PTPRD: variants seen among roughly 807,000 people sequenced by gnomAD.
The protein encoded by PTPRD is protein tyrosine phosphatase receptor type D.
A neutral mutation model predicts 214.5 loss-of-function variants in PTPRD; 34 were observed. The ratio of observed to expected loss-of-function variants is 0.16; its 90% CI spans 0.12 to 0.21. The LOEUF (loss-of-function observed/expected upper bound fraction) is 0.21. PTPRD is among the 10% of genes least tolerant of loss of function. The probability of loss-of-function intolerance (pLI) is 1.00; values close to 1 mark genes in which losing one functional copy is unlikely to be tolerated. For synonymous variants in PTPRD, 1,128 were observed against 845.7 expected (o/e 1.33, Z -5.79); for missense variants, 2,545 against 2,398.7 (o/e 1.06, Z -1.27).
intron 11 of PTPRD, among the ~76,000 whole-genome samples, chr9:8,927,399 CTCCCTGTG>C (rs936891179): frequency 6.6e-6 from 1 of 152,008 alleles, no homozygotes; most frequent in African/African-American, 2.4e-5. Context: ...TGACGTTCCC[CTCCCTGTG>C]TCCATGTGTT....
intron 2 of PTPRD, among the ~76,000 whole-genome samples, chr9:10,435,365 T>C (rs2098710465): frequency 6.6e-6 from 1 of 151,884 alleles, no homozygotes; most frequent in African/African-American, 2.4e-5. Context: ...CTCAAAGCAT[T>C]TAGCCCTCGT....
intron 5 of PTPRD, among the ~76,000 whole-genome samples, chr9:9,871,289 G>C (rs1398329704): frequency 6.6e-6 from 1 of 152,108 alleles, no homozygotes; most frequent in Non-Finnish European, 1.5e-5. Flanking sequence ...ATAACAGTAA[G>C]ACCAAAAGGG....
intron 5 of PTPRD, among the ~76,000 whole-genome samples, chr9:9,837,604 T>C (rs1040676339): frequency 3.9e-5 from 6 of 152,184 alleles, no homozygotes; most frequent in Middle Eastern, 3.4e-3. Flanking sequence ...AAAGACCTAG[T>C]TTCTTGGGGA....
intron 14 of PTPRD, among the ~76,000 whole-genome samples, chr9:8,593,725 G>A (rs1369275493): frequency 6.6e-6 from 1 of 152,150 alleles, no homozygotes; most frequent in African/African-American, 2.4e-5. Flanking sequence ...GAGCTGTTTA[G>A]TATTTTGGAA....
rs576540080 is a variant in PTPRD, at chr9:8,928,691, T to C, written c.-104+90006A>G. On this transcript the variant is annotated intron_variant, in intron 11 of 45. Transcript: ENST00000381196. The stretch of plus-strand genomic sequence containing the variant: ...CTATATGGGCTCTTTTTTTGTTCCA[T>C]ATGAAATTTAAAGTAGCTTTTTCTA... Among the ~76,000 whole-genome samples, 5 of 152,318 alleles carry C rather than the reference T, an allele frequency of 3.3e-5. No homozygotes were observed. In the South Asian group the frequency reaches 1.0e-3, roughly 32 times the overall value.
chr9:10,412,716 A>T (rs761399337), intron 2 of PTPRD, among the ~76,000 whole-genome samples: 1 of 151,596 alleles, frequency 6.6e-6, no homozygotes, highest in African/African-American at 2.4e-5. Context: ...CCCTCAAAAA[A>T]CACTTGAAAA....
At position 8,818,892 on chromosome 9, in the gene PTPRD, T is replaced by C. The variant is rs137964821; in HGVS notation, c.-103-84946A>G. 1.5e-3 allele frequency among the ~76,000 whole-genome samples: 233 copies of C among 152,264 alleles called. 2 individuals are homozygous for C. The highest frequency in any genetic ancestry group is 5.3e-3 in the African/African-American group (220 of 41,552). ...TTGTTCGTACAACAGATTTAAACAA[T>C]TACTCCCGAAGAGTTCCCCGGTAAC... On this transcript the variant is annotated intron_variant, in intron 11 of 45. Transcript: ENST00000381196.
chr9:8,731,797 T>C (rs578057594), intron 12 of PTPRD, among the ~76,000 whole-genome samples: 1 of 152,336 alleles, frequency 6.6e-6, no homozygotes, highest in South Asian at 2.1e-4. Context: ...ACACATGCTA[T>C]TCAAGAGTGC....
chr9:9,282,475 A>G (rs1460573063), intron 9 of PTPRD, among the ~76,000 whole-genome samples: 2 of 151,426 alleles, frequency 1.3e-5, no homozygotes, highest in African/African-American at 4.8e-5. Flanking sequence ...TAAATCTTGA[A>G]TATTAGGAAA....
intron 10 of PTPRD, among the ~76,000 whole-genome samples, chr9:9,072,463 C>T (rs62529481): frequency 6.6e-6 from 1 of 152,162 alleles, no homozygotes; most frequent in African/African-American, 2.4e-5. Flanking sequence ...AGATGGCATC[C>T]TCTGCTACTT....
intron 11 of PTPRD, among the ~76,000 whole-genome samples, chr9:8,986,937 A>T (rs1394724119): frequency 6.6e-6 from 1 of 152,070 alleles, no homozygotes; most frequent in Non-Finnish European, 1.5e-5. Flanking sequence ...AGGAGGCTGA[A>T]TATTTTTATG....
intron 3 of PTPRD, among the ~76,000 whole-genome samples, chr9:10,041,804 G>A (rs1388357956): frequency 6.6e-6 from 1 of 151,988 alleles, no homozygotes; most frequent in Non-Finnish European, 1.5e-5. Flanking sequence ...TAAAGTTAAT[G>A]TAACTTAAAT....
intron 8 of PTPRD, among the ~76,000 whole-genome samples, chr9:9,431,009 TA>T (rs1198947110): frequency 6.6e-6 from 1 of 152,128 alleles, no homozygotes; most frequent in African/African-American, 2.4e-5. Context: ...ACTTCATGTC[TA>T]AAACACCAAA....
At chr9:10,057,628 A>C (rs1488858775) in intron 3 of PTPRD, among the ~76,000 whole-genome samples, 1 of 152,118 alleles carries the variant, frequency 6.6e-6, no homozygotes, top group Non-Finnish European at 1.5e-5. Flanking sequence ...GTGGATCACG[A>C]GGTCAGGAGT....
intron 7 of PTPRD, among the ~76,000 whole-genome samples, chr9:9,712,638 G>A (rs2097757777): frequency 6.6e-6 from 1 of 152,018 alleles, no homozygotes. Context: ...ATTCTTGAAC[G>A]TACATGTATC....
intron 35 of PTPRD, among the ~76,000 whole-genome samples, chr9:8,415,190 C>G (rs897660776): frequency 1.4e-4 from 22 of 152,154 alleles, no homozygotes; most frequent in African/African-American, 5.3e-4. Context: ...AACTATGGTG[C>G]TGCACACAAG....
chr9:10,213,759 A>C (rs1310358334), intron 3 of PTPRD, among the ~76,000 whole-genome samples: 3 of 152,124 alleles, frequency 2.0e-5, no homozygotes, highest in Non-Finnish European at 4.4e-5. Flanking sequence ...AACAAATAAC[A>C]CTTTTGTTGT....
chr9:10,383,613 C>T (rs958920809), intron 2 of PTPRD, among the ~76,000 whole-genome samples: 2 of 151,688 alleles, frequency 1.3e-5, no homozygotes, highest in Non-Finnish European at 2.9e-5. Flanking sequence ...GACACCTTAT[C>T]AGATCATCAA....
intron 3 of PTPRD, among the ~76,000 whole-genome samples, chr9:10,053,468 A>G (rs2097569310): frequency 6.6e-6 from 1 of 152,136 alleles, no homozygotes; most frequent in South Asian, 2.1e-4. Context: ...AATGTGATGT[A>G]TTGTAACTAC....
Sources: gnomAD v4.1 joint callset for allele counts (sites outside exome capture counted in the v4.1 genomes callset) on GRCh38, gnomAD v4.1.1 for gene constraint, MANE v1.5 for transcripts, NCBI Gene and HGNC (gene_info 2026-07-23, HGNC 2026-07-21) for gene names.